Variants in ANKFY1 observed in about 807,000 individuals in gnomAD.
The protein encoded by ANKFY1 is ankyrin repeat and FYVE domain containing 1, also known as ankyrin repeat and FYVE domain-containing protein 1.
A neutral mutation model predicts 128.3 loss-of-function variants in ANKFY1; 47 were observed. That is an observed-to-expected ratio of 0.37 (90% confidence interval 0.29 to 0.47). The LOEUF (loss-of-function observed/expected upper bound fraction) is 0.47, where lower values mean the gene tolerates loss of function less well. ANKFY1 is among the 20% of genes least tolerant of loss of function. The probability of loss-of-function intolerance (pLI) is 1.00; values close to 1 mark genes in which losing one functional copy is unlikely to be tolerated. For missense variants in ANKFY1, 1,222 were observed against 1,510.6 expected (o/e 0.81, Z 3.17); for synonymous variants, 553 against 601.6 (o/e 0.92, Z 1.18).
intron 4 of ANKFY1, among the ~76,000 whole-genome samples, chr17:4,210,491 C>T (rs905021172): frequency 2.6e-5 from 4 of 152,108 alleles, no homozygotes; most frequent in Non-Finnish European, 5.9e-5. Flanking sequence ...GGTGGATCAC[C>T]TGAGGTCGGG....
intron 10 of ANKFY1, chr17:4,194,458 CTTTTTTTTTT>C (rs3051790): frequency 4.9e-5 from 5 of 101,932 alleles, no homozygotes; most frequent in East Asian, 2.9e-4. Flanking sequence ...TAATATCCAT[CTTTTTTTTTT>C]TTTTTTTTTT....
chr17:4,259,587 C>T (rs1440683893), intron 1 of ANKFY1, among the ~76,000 whole-genome samples: 2 of 152,140 alleles, frequency 1.3e-5, no homozygotes, highest in African/African-American at 4.8e-5. Context: ...CGGCCTTAAA[C>T]ATTGTATTTT....
chr17:4,223,872 TC>T, intron 3 of ANKFY1: 4 of 865,862 alleles, frequency 4.6e-6, no homozygotes, highest in Non-Finnish European at 7.3e-6. Flanking sequence ...AAGGTGCCTG[TC>T]ATGGATGCTT....
At chr17:4,237,220 T>C (rs962464546) in intron 2 of ANKFY1, among the ~76,000 whole-genome samples, 3 of 152,202 alleles carry the variant, frequency 2.0e-5, no homozygotes, top group African/African-American at 7.2e-5. Context: ...GAGTATTGTC[T>C]AGAATACACT....
chr17:4,233,512 C>T, intron 3 of ANKFY1, among the ~76,000 whole-genome samples: 1 of 152,178 alleles, frequency 6.6e-6, no homozygotes, highest in East Asian at 1.9e-4. Context: ...TTTGTATCTA[C>T]AACTTTTAGT....
intron 4 of ANKFY1, among the ~76,000 whole-genome samples, chr17:4,211,927 A>C (rs2143018678): frequency 6.6e-6 from 1 of 152,208 alleles, no homozygotes; most frequent in East Asian, 1.9e-4. Flanking sequence ...AACAAACAAA[A>C]AACATCAACT....
chr17:4,184,514 C>T (rs2059576231), intron 12 of ANKFY1, among the ~76,000 whole-genome samples: 5 of 152,146 alleles, frequency 3.3e-5, no homozygotes. Context: ...ACAGTGCTCA[C>T]ACCGAGGCAC....
At chr17:4,219,830 C>CT (rs1413696795) in intron 3 of ANKFY1, among the ~76,000 whole-genome samples, 5 of 151,626 alleles carry the variant, frequency 3.3e-5, no homozygotes, top group African/African-American at 9.7e-5. Flanking sequence ...AGCACCTTTT[C>CT]TTTTTTTTGA....
At position 4,165,036 on chromosome 17, in the gene ANKFY1, C is replaced by T. The variant is rs2059187238; in HGVS notation, c.*2743G>A. The T allele has an allele frequency of 6.6e-6, 1 of 152,456 alleles. No homozygotes were observed. Among genetic ancestry groups the T allele is most frequent in the Non-Finnish European group, 1.5e-5 (1 of 68,026 alleles). 9.4% of individuals were successfully genotyped at this position (152,456 alleles called of 1,614,324 possible). A position where few individuals can be genotyped will look rare whatever the true frequency, so the allele number is the denominator to read the frequency against. ...TTCTAACACATCGTTCAGTGAGACA[C>T]CACGAAAAAGATGACTGAAAGTTCA... is the stretch of plus-strand genomic sequence containing the variant. On this transcript the variant is annotated 3_prime_UTR_variant, in exon 25 of 25. Transcript: ENST00000341657.
Position 4,223,373 on chromosome 17 carries a change from T to G in ANKFY1, c.323-6255A>C. The G allele has an allele frequency of 1.9e-6, 3 of 1,589,592 alleles. No individual in the cohort carries two copies. The South Asian group carries it at 3.3e-5, about 18-fold the overall frequency. On this transcript the variant is annotated intron_variant, in intron 3 of 24. Coordinates refer to ENST00000341657, the MANE Select transcript of ANKFY1 (RefSeq NM_001330063.2). The stretch of plus-strand genomic sequence containing the variant: ...GGTACACATGGCTATTCAGATTGCC[T>G]GTGGAATGAGCTACCTGGCCAGAAC...
chr17:4,263,629 A>T, intron 1 of ANKFY1: 1 of 1,534,886 alleles, frequency 6.5e-7, no homozygotes, highest in Middle Eastern at 1.7e-4. Flanking sequence ...GGCAATCAAG[A>T]GCCTCCCGTG....
intron 2 of ANKFY1, among the ~76,000 whole-genome samples, chr17:4,240,812 A>G (rs531469870): frequency 9.9e-5 from 15 of 152,276 alleles, no homozygotes; most frequent in Non-Finnish European, 1.8e-4. Context: ...AATGCAATCT[A>G]CCCTGCTTTT....
intron 3 of ANKFY1, among the ~76,000 whole-genome samples, chr17:4,225,469 C>T (rs565033796): frequency 1.3e-5 from 2 of 151,958 alleles, no homozygotes; most frequent in Non-Finnish European, 2.9e-5. Context: ...TAAATATAAC[C>T]TCCTGGAAAT....
At position 4,183,555 on chromosome 17, in the gene ANKFY1, G is replaced by A; in HGVS notation, c.1799-4C>T. ...TGGGCTGCGATCGTGTGCATGCCTGGGAAACAAGCCCCGATCTCATCCAGG... is the reference window on the plus strand; with the variant it reads ...TGGGCTGCGATCGTGTGCATGCCTGAGAAACAAGCCCCGATCTCATCCAGG... On this transcript the variant is annotated splice_region_variant and splice_polypyrimidine_tract_variant and intron_variant, in intron 13 of 24. Transcript: ENST00000341657. The A allele has an allele frequency of 6.2e-7, 1 of 1,611,674 alleles. No homozygotes were observed. The highest frequency in any genetic ancestry group is 8.5e-7 in the Non-Finnish European group (1 of 1,179,906).
chr17:4,230,198 C>T (rs927128130), intron 3 of ANKFY1, among the ~76,000 whole-genome samples: 3 of 152,142 alleles, frequency 2.0e-5, no homozygotes. Flanking sequence ...CTGCAGAGTG[C>T]AAGCTTTCCA....
At chr17:4,260,701 A>C (rs1968371479) in intron 1 of ANKFY1, among the ~76,000 whole-genome samples, 1 of 152,052 alleles carries the variant, frequency 6.6e-6, no homozygotes, top group Non-Finnish European at 1.5e-5. Flanking sequence ...TTGGGGAATA[A>C]AACTAATTTT....
At chr17:4,244,719 T>C (rs1296999941) in intron 1 of ANKFY1, among the ~76,000 whole-genome samples, 1 of 151,956 alleles carries the variant, frequency 6.6e-6, no homozygotes, top group East Asian at 1.9e-4. Flanking sequence ...AGAAAGGGTA[T>C]CTCCTTCCTA....
At chr17:4,186,857 G>C (rs2059620929) in intron 11 of ANKFY1, 3 of 1,015,272 alleles carry the variant, frequency 3.0e-6, no homozygotes, top group Non-Finnish European at 3.5e-6. Flanking sequence ...CCCCATTCTT[G>C]CATCTAATTT....
At chr17:4,212,643 A>G (rs975644285) in intron 4 of ANKFY1, among the ~76,000 whole-genome samples, 2 of 152,226 alleles carry the variant, frequency 1.3e-5, no homozygotes, top group Admixed American at 6.5e-5. Context: ...ATAACTAGCT[A>G]GCAGATAATT....
Sources: gnomAD v4.1 joint callset for allele counts (sites outside exome capture counted in the v4.1 genomes callset) on GRCh38, gnomAD v4.1.1 for gene constraint, MANE v1.5 for transcripts, NCBI Gene and HGNC (gene_info 2026-07-23, HGNC 2026-07-21) for gene names.